Variants in EIF2AK4 observed in about 807,000 individuals in gnomAD.
EIF2AK4 encodes eukaryotic translation initiation factor 2 alpha kinase 4.
In EIF2AK4, 139 loss-of-function variants were observed where a neutral mutation model predicts 211.1. That is an observed-to-expected ratio of 0.66 (90% CI 0.57 to 0.76). EIF2AK4 has a LOEUF of 0.76. Among genes scored for constraint, EIF2AK4 ranks in the 30% least tolerant of loss-of-function variants. The pLI, the probability that EIF2AK4 is intolerant of heterozygous loss-of-function variation, is 0.00. For missense variants in EIF2AK4, 1,664 were observed against 2,043.8 expected, an observed-to-expected ratio of 0.81 and a Z score of 3.58; for synonymous variants, 710 against 751.3, an observed-to-expected ratio of 0.94 and a Z score of 0.90.
chr15:39,994,827 T>A (rs976758171), intron 18 of EIF2AK4, among the ~76,000 whole-genome samples: 4 of 151,898 alleles, frequency 2.6e-5, no homozygotes, highest in Non-Finnish European at 4.4e-5. Context: ...GGCAGACACC[T>A]TTAGTGTCAT....
chr15:39,973,863 T>C, intron 11 of EIF2AK4, 114 bp downstream of exon 11: 1 of 1,183,198 alleles, frequency 8.5e-7, no homozygotes. Context: ...TGAATATGGC[T>C]GTTGGATACT....
intron 2 of EIF2AK4, among the ~76,000 whole-genome samples, chr15:39,939,949 T>C (rs1169452405): frequency 2.0e-5 from 3 of 152,234 alleles, no homozygotes; most frequent in Admixed American, 2.0e-4. Context: ...GCATGGTGAC[T>C]GTTGAAAGCC....
chr15:39,991,583 G>C (rs1330152936), intron 16 of EIF2AK4: 1 of 152,826 alleles, frequency 6.5e-6, no homozygotes, highest in Non-Finnish European at 1.5e-5. Context: ...ACAGTGCCCA[G>C]CACTAAGAAT....
At chr15:40,012,849 G>A (rs2035252405) in intron 27 of EIF2AK4, among the ~76,000 whole-genome samples, 1 of 152,258 alleles carries the variant, frequency 6.6e-6, no homozygotes, top group East Asian at 1.9e-4. Context: ...AAAGGCATTT[G>A]GTACTTTGAT....
At position 39,953,923 on chromosome 15, in the gene EIF2AK4, A is replaced by T. The variant is rs369177363; in HGVS notation, c.533A>T (p.Glu178Val). Residue 178 changes from glutamate (E) to valine (V), a missense_variant, in exon 5 of 39, where the codon GAG becomes GTG. Around this residue, in one of 7 missense-constraint regions of EIF2AK4, gnomAD observed 641 missense variants for 729.6 expected, o/e 0.88. Coordinates refer to ENST00000263791, the MANE Select transcript of EIF2AK4 (RefSeq NM_001013703.4). ...EEQEQREILH[E>V]IQRRKEEIKE... is the part of the protein sequence containing the mutation. ...TTTCAGCAACGTGAAATCCTGCATGAGATTCAGAGAAGGAAAGAAGAGATA... is the reference window on the plus strand; with the variant it reads ...TTTCAGCAACGTGAAATCCTGCATGTGATTCAGAGAAGGAAAGAAGAGATA... 60 of 1,611,924 alleles carry T rather than the reference A, an allele frequency of 3.7e-5. No individual in the cohort carries two copies. Among genetic ancestry groups the T allele is most frequent in the Non-Finnish European group, 4.7e-5 (56 of 1,179,714 alleles).
rs373372093 is a variant in EIF2AK4, at chr15:40,032,859, A to G, written c.4773+58A>G. ...TTTAAGATCCCAAATCTTTGCTATT[A>G]GTTTGCCAAAATACTGAAGACGGCA... On this transcript the variant is annotated intron_variant, in intron 37 of 38. Coordinates refer to ENST00000263791, the MANE Select transcript of EIF2AK4 (RefSeq NM_001013703.4). The G allele has an allele frequency of 2.2e-5, 33 of 1,493,910 alleles. No individual in the cohort carries two copies. The African/African-American group carries it at 4.2e-4, about 19-fold the overall frequency. 92.5% of individuals were successfully genotyped at this position (1,493,910 alleles called of 1,614,324 possible). A position where few individuals can be genotyped will look rare whatever the true frequency, so the allele number is the denominator to read the frequency against.
intron 6 of EIF2AK4, among the ~76,000 whole-genome samples, chr15:39,958,171 C>A (rs1178275434): frequency 6.6e-6 from 1 of 152,166 alleles, no homozygotes; most frequent in African/African-American, 2.4e-5. Context: ...CAACCCACTG[C>A]CTTGTTTCTG....
intron 16 of EIF2AK4, 22 bp downstream of exon 16, chr15:39,990,399 C>T (rs778330240): frequency 4.4e-6 from 7 of 1,594,114 alleles, no homozygotes; most frequent in Admixed American, 3.3e-5. Context: ...AAAAATTAGA[C>T]TGTACCTAAA....
At position 39,970,965 on chromosome 15, in the gene EIF2AK4, A is replaced by G. The variant is rs376059838; in HGVS notation, c.1554-1943A>G. ...ACATAAAAAAAAGTTACCATTTATGATAGTTGCTGTCACCACTTTGTATGT... is the reference window on the plus strand; with the variant it reads ...ACATAAAAAAAAGTTACCATTTATGGTAGTTGCTGTCACCACTTTGTATGT... On this transcript the variant is annotated intron_variant, in intron 9 of 38. Transcript: ENST00000263791. 6.6e-5 allele frequency among the ~76,000 whole-genome samples: 10 copies of G among 152,362 alleles called. No individual in the cohort carries two copies. In the East Asian group the frequency reaches 1.9e-3, roughly 29 times the overall value.
intron 29 of EIF2AK4, 46 bp downstream of exon 29, chr15:40,017,288 C>T (rs373742102): frequency 3.0e-5 from 46 of 1,536,024 alleles, no homozygotes; most frequent in African/African-American, 5.5e-5. Context: ...AATTTTATTT[C>T]TTCTAAACTT....
At chr15:39,983,013 CATG>C (rs757347466) in intron 13 of EIF2AK4, among the ~76,000 whole-genome samples, 2 of 152,160 alleles carry the variant, frequency 1.3e-5, no homozygotes, top group Non-Finnish European at 2.9e-5. Flanking sequence ...CATACGTGTG[CATG>C]TGTCTTTATA....
At chr15:40,017,511 A>T (rs1352592459) in intron 29 of EIF2AK4, among the ~76,000 whole-genome samples, 4 of 8,234 alleles carry the variant, frequency 4.9e-4, no homozygotes, top group African/African-American at 1.9e-3. Flanking sequence ...CTATATATAT[A>T]TATATATATA....
At chr15:39,957,576 T>C (rs1706377802) in intron 6 of EIF2AK4, among the ~76,000 whole-genome samples, 2 of 152,350 alleles carry the variant, frequency 1.3e-5, no homozygotes, top group South Asian at 4.1e-4. Context: ...TTCTCTGCTT[T>C]ATTTTTTACA....
chr15:39,977,260 C>T (rs2034712883), intron 12 of EIF2AK4: 1 of 161,916 alleles, frequency 6.2e-6, no homozygotes, highest in Non-Finnish European at 1.3e-5. Context: ...TTTCCACAGA[C>T]GGGTGTTAGG....
In EIF2AK4 at chr15:40,035,587, A is replaced by T. The variant is rs1476715637; in HGVS notation, c.*503A>T. ...CTTTTGGGATATAATAAATGCTTTC[A>T]TATACCTGCTGCTTTTTAATTGTAA... On this transcript the variant is annotated 3_prime_UTR_variant, in exon 39 of 39. Transcript: ENST00000263791. The T allele has an allele frequency of 1.0e-5, 1 of 96,820 alleles. No homozygotes were observed. Among genetic ancestry groups the T allele is most frequent in the Non-Finnish European group, 3.0e-5 (1 of 33,130 alleles). 6.0% of individuals were successfully genotyped at this position (96,820 alleles called of 1,614,324 possible). A position where few individuals can be genotyped will look rare whatever the true frequency, so the allele number is the denominator to read the frequency against.
At chr15:39,939,436 C>A (rs2034112711) in intron 1 of EIF2AK4, 69 bp from the exon 2 acceptor site, 2 of 865,564 alleles carry the variant, frequency 2.3e-6, no homozygotes, top group Admixed American at 2.6e-5. Context: ...CTAAAATGAT[C>A]ATTATCTTAA....
At chr15:39,961,330 G>T (rs1312378696) in intron 6 of EIF2AK4, among the ~76,000 whole-genome samples, 1 of 152,216 alleles carries the variant, frequency 6.6e-6, no homozygotes, top group Non-Finnish European at 1.5e-5. Context: ...AGCAATATGG[G>T]ATACCTGTGG....
rs747395033 is a variant in EIF2AK4 at position 40,021,016 on chromosome 15, G to A, written c.4291G>A (p.Asp1431Asn). The A allele has an allele frequency of 1.3e-5, 21 of 1,612,920 alleles. No individual in the cohort carries two copies. The Admixed American group carries it at 3.2e-4, about 24-fold the overall frequency. Residue 1431 changes from aspartate (D) to asparagine (N), a missense_variant, in exon 31 of 39, where the codon GAC (aspartate) becomes AAC (asparagine). Transcript: ENST00000263791. The part of the protein sequence containing the change: ...TAGITAEIMY[D>N]WSQSQEELQE... ...AGGCATCACAGCAGAAATCATGTAC[G>A]ACTGGTCACAGGTAATGGGACAAAA...
rs539890805 is a variant in EIF2AK4 at position 39,945,944 on chromosome 15, C to T, written c.360+2459C>T. Among the ~76,000 whole-genome samples, 187 of 152,288 alleles carry T rather than the reference C, an allele frequency of 1.2e-3. 1 individual carries two copies. Among genetic ancestry groups the T allele is most frequent in the African/African-American group, 4.3e-3 (179 of 41,558 alleles). On this transcript the variant is annotated intron_variant, in intron 3 of 38. Coordinates refer to ENST00000263791, the MANE Select transcript of EIF2AK4 (RefSeq NM_001013703.4). ...GAGTATTTTAAGATCATTGTTGAGACCTGCTGCTCTGAAAAAAAAGATTCC... is the reference window on the plus strand; with the variant it reads ...GAGTATTTTAAGATCATTGTTGAGATCTGCTGCTCTGAAAAAAAAGATTCC...
Sources: gnomAD v4.1 joint callset for allele counts (sites outside exome capture counted in the v4.1 genomes callset) on GRCh38, gnomAD v4.1.1 for gene constraint, gnomAD v4.1.1 regional missense constraint, MANE v1.5 for transcripts, NCBI Gene and HGNC (gene_info 2026-07-23, HGNC 2026-07-21) for gene names.